The following EDDM3A variants were observed in gnomAD, a reference collection of about 807,000 sequenced individuals.
EDDM3A encodes the protein epididymal protein 3A.
For synonymous variants in EDDM3A, 75 were observed against 60.4 expected (o/e 1.24, Z -1.12); for missense variants, 199 against 177.4 (o/e 1.12, Z -0.69).
upstream of EDDM3A, among the ~76,000 whole-genome samples, chr14:20,743,441 G>C (rs1477264524): frequency 1.3e-5 from 2 of 152,032 alleles, no homozygotes; most frequent in Admixed American, 6.6e-5. Flanking sequence ...TCCCAGCTAC[G>C]CAGAAGGCTG....
chr14:20,738,792 C>T, the EDDM3A span, among the ~76,000 whole-genome samples: 1 of 152,132 alleles, frequency 6.6e-6, no homozygotes, highest in Non-Finnish European at 1.5e-5. Context: ...GGCTAAATGC[C>T]ATCTTCAGCT....
chr14:20,748,046 ATATTGGTAGAGTATT>A lies in EDDM3A; in HGVS notation c.*23_*37del. On this transcript the variant is annotated 3_prime_UTR_variant, in exon 2 of 2. Transcript: ENST00000326842. ...CTAGAAAGTCTATGCACATCCTCAGATATTGGTAGAGTATTCAGTGCTTCCAAAGTGGTGGGCCCT... is the reference window on the plus strand; with the variant it reads ...CTAGAAAGTCTATGCACATCCTCAGACAGTGCTTCCAAAGTGGTGGGCCCT... 1 of 1,556,158 alleles carries A rather than the reference ATATTGGTAGAGTATT, an allele frequency of 6.4e-7. No individual in the cohort carries two copies. The highest frequency in any genetic ancestry group is 8.7e-7 in the Non-Finnish European group (1 of 1,149,932).
At chr14:20,741,269 G>A (rs1235781607), upstream of EDDM3A, among the ~76,000 whole-genome samples, 3 of 152,156 alleles carry the variant, frequency 2.0e-5, no homozygotes, top group African/African-American at 7.2e-5. Flanking sequence ...ATATTGGTCC[G>A]AAGGCCTCAG....
intron 1 of EDDM3A, among the ~76,000 whole-genome samples, chr14:20,747,213 C>T (rs1017302046): frequency 6.6e-6 from 1 of 150,376 alleles, no homozygotes; most frequent in African/African-American, 2.5e-5. Context: ...AAGCGATTCT[C>T]CTGCCTCAGC....
At chr14:20,747,424 A>T in intron 1 of EDDM3A, 131 bp from the exon 2 acceptor site, 2 of 605,706 alleles carry the variant, frequency 3.3e-6, no homozygotes, top group African/African-American at 1.8e-5. Flanking sequence ...AATGAGAATC[A>T]TCATCTTCTA....
upstream of EDDM3A, among the ~76,000 whole-genome samples, chr14:20,743,834 C>T (rs1877507301): frequency 1.3e-5 from 2 of 152,100 alleles, no homozygotes; most frequent in African/African-American, 4.8e-5. Flanking sequence ...TATGCTTTTC[C>T]CCAGTTTAGT....
upstream of EDDM3A, among the ~76,000 whole-genome samples, chr14:20,745,612 A>C (rs969303666): frequency 2.0e-5 from 3 of 151,982 alleles, no homozygotes; most frequent in Non-Finnish European, 4.4e-5. Context: ...AGTTTGTTAG[A>C]ATTGAGAGCA....
chr14:20,741,580 C>G (rs1877435006), upstream of EDDM3A, among the ~76,000 whole-genome samples: 1 of 152,186 alleles, frequency 6.6e-6, no homozygotes, highest in South Asian at 2.1e-4. Flanking sequence ...ACTCTACTTA[C>G]TGAACTCCAT....
At chr14:20,746,059 T>G (rs1033912775) in intron 1 of EDDM3A, 67 bp downstream of exon 1, 3 of 152,262 alleles carry the variant, frequency 2.0e-5, no homozygotes, top group African/African-American at 7.2e-5. Context: ...CTGATTGAAC[T>G]TTTAGATAGC....
upstream of EDDM3A, among the ~76,000 whole-genome samples, chr14:20,741,796 G>C (rs946374152): frequency 4.1e-4 from 62 of 152,256 alleles, no homozygotes; most frequent in Admixed American, 2.0e-4. Flanking sequence ...TTCCCATGTG[G>C]AGCCCTGGGT....
At chr14:20,737,598 G>A in the EDDM3A span, among the ~76,000 whole-genome samples, 1 of 152,132 alleles carries the variant, frequency 6.6e-6, no homozygotes, top group Non-Finnish European at 1.5e-5. Context: ...CTTTCCTAAG[G>A]ATGACACATC....
the EDDM3A span, among the ~76,000 whole-genome samples, chr14:20,737,201 G>A: frequency 3.5e-3 from 529 of 151,780 alleles, 4 homozygotes; most frequent in Admixed American, 9.1e-3. Flanking sequence ...TTACAGGTGC[G>A]CAACACCACG....
At chr14:20,740,532 G>T in the EDDM3A span, among the ~76,000 whole-genome samples, 1 of 152,096 alleles carries the variant, frequency 6.6e-6, no homozygotes, top group Non-Finnish European at 1.5e-5. Flanking sequence ...AGGTCCTGTT[G>T]TCCCTCCTTC....
upstream of EDDM3A, among the ~76,000 whole-genome samples, chr14:20,741,540 C>G (rs905328530): frequency 2.0e-5 from 3 of 152,170 alleles, no homozygotes; most frequent in African/African-American, 7.2e-5. Flanking sequence ...TTAGGACCCC[C>G]TGGGACCCAG....
At chr14:20,745,429 G>A (rs892932241), upstream of EDDM3A, among the ~76,000 whole-genome samples, 5 of 151,914 alleles carry the variant, frequency 3.3e-5, no homozygotes, top group Admixed American at 3.3e-4. Flanking sequence ...AGGAGGTTGA[G>A]GCAAGAGAAT....
At chr14:20,743,117 A>T (rs1263146271), upstream of EDDM3A, among the ~76,000 whole-genome samples, 1 of 152,232 alleles carries the variant, frequency 6.6e-6, no homozygotes, top group Non-Finnish European at 1.5e-5. Flanking sequence ...AATTCCATCC[A>T]TGGAGCCCTT....
the EDDM3A span, among the ~76,000 whole-genome samples, chr14:20,738,058 A>G: frequency 6.6e-6 from 1 of 152,196 alleles, no homozygotes; most frequent in Non-Finnish European, 1.5e-5. Flanking sequence ...CAGTGTATCT[A>G]CATTGGTCAT....
chr14:20,738,868 G>A, the EDDM3A span, among the ~76,000 whole-genome samples: 1 of 152,212 alleles, frequency 6.6e-6, no homozygotes, highest in African/African-American at 2.4e-5. Flanking sequence ...TATAGTAAAT[G>A]AGGGAAAGTT....
At chr14:20,739,960 C>T in the EDDM3A span, among the ~76,000 whole-genome samples, 1 of 152,132 alleles carries the variant, frequency 6.6e-6, no homozygotes, top group Non-Finnish European at 1.5e-5. Context: ...AGTGGAAAGA[C>T]TGACACCAAC....
Sources: allele counts gnomAD v4.1 joint callset (sites outside exome capture counted in the v4.1 genomes callset), GRCh38; gene constraint gnomAD v4.1.1; transcripts MANE v1.5; gene names NCBI Gene and HGNC (gene_info 2026-07-23, HGNC 2026-07-21).